Variants in ZC3H7B observed in about 807,000 individuals in gnomAD.
The protein encoded by ZC3H7B is zinc finger CCCH domain-containing protein 7B.
ZC3H7B carries 35 observed loss-of-function variants against 116.0 expected under a neutral mutation model. The ratio of observed to expected loss-of-function variants is 0.30; its 90% CI spans 0.23 to 0.40. The LOEUF is 0.40. ZC3H7B is among the 10% of genes least tolerant of loss of function. ZC3H7B has a pLI of 1.00. For missense variants in ZC3H7B, 1,011 were observed against 1,321.5 expected (o/e 0.77, Z 3.64); for synonymous variants, 502 against 545.6 (o/e 0.92, Z 1.11).
rs550399492 is a variant in ZC3H7B at position 41,330,929 on chromosome 22, C to T, written c.525+826C>T. 1.3e-3 allele frequency among the ~76,000 whole-genome samples: 184 copies of T among 138,006 alleles called. 1 individual carries two copies. The highest frequency in any genetic ancestry group is 4.5e-3 in the African/African-American group (166 of 36,808). 90.5% of individuals were successfully genotyped at this position (138,006 alleles called of 152,430 possible). A position where few individuals can be genotyped will look rare whatever the true frequency, so the allele number is the denominator to read the frequency against. On this transcript the variant is annotated intron_variant, in intron 6 of 22. Coordinates refer to ENST00000352645, the MANE Select transcript of ZC3H7B (RefSeq NM_017590.6). ...AGGCTGTAGTGCTGGAGTGCAGTGG[C>T]GCGATCTCAGCTCACTGCAAGCTCC...
intron 9 of ZC3H7B, 62 bp downstream of exon 9, chr22:41,339,253 C>T (rs2145928377): frequency 5.2e-6 from 8 of 1,527,232 alleles, no homozygotes; most frequent in Non-Finnish European, 7.1e-6. Context: ...TCCCCATTGT[C>T]CCAGGGGTGG....
At chr22:41,347,999 G>T (rs1481277775) in intron 14 of ZC3H7B, 68 bp from the exon 15 acceptor site, 2 of 1,368,514 alleles carry the variant, frequency 1.5e-6, no homozygotes, top group African/African-American at 2.9e-5. Context: ...AGCTAGCTGT[G>T]TGGGGTCCCA....
intron 1 of ZC3H7B, among the ~76,000 whole-genome samples, chr22:41,306,327 C>G (rs1245411152): frequency 6.6e-6 from 1 of 151,448 alleles, no homozygotes; most frequent in African/African-American, 2.4e-5. Context: ...CAGCAATTCT[C>G]TAGGCCCTGT....
rs1242988558 is a variant in ZC3H7B at position 41,346,660 on chromosome 22, AC to A, written c.1665+453del. ...GTGAAACCCTGTCTCTACTAAAAAT[AC>A]AAAAATTAGCTGGGCGTTGTGGTGC... On this transcript the variant is annotated intron_variant, in intron 14 of 22. Transcript: ENST00000352645. This position sits in a 1 kb window ranked among gnomAD's most constrained non-coding sequence, Gnocchi z 5.3. Among the ~76,000 whole-genome samples the A allele has an allele frequency of 1.3e-5, 2 of 152,090 alleles. No individual in the cohort carries two copies. Among genetic ancestry groups the A allele is most frequent in the Middle Eastern group, 3.2e-3 (1 of 316 alleles).
In ZC3H7B at chr22:41,349,354, C is replaced by T. The variant is rs572195359; in HGVS notation, c.1948+53C>T. On this transcript the variant is annotated intron_variant, in intron 16 of 22. Coordinates refer to ENST00000352645, the MANE Select transcript of ZC3H7B (RefSeq NM_017590.6). This position sits in a 1 kb window ranked among gnomAD's most constrained non-coding sequence, Gnocchi z 4.9. ...GCAGGTGACTCAGGTGAGGGGTAGG[C>T]GGCGCAGGTGAAGGGAGCGCAGGAC... The T allele has an allele frequency of 6.6e-5, 106 of 1,596,190 alleles. No homozygotes were observed. The highest frequency in any genetic ancestry group is 3.2e-4 in the Admixed American group (19 of 59,398).
intron 11 of ZC3H7B, among the ~76,000 whole-genome samples, 168 bp from the exon 12 acceptor site, chr22:41,342,361 C>G (rs550659588): frequency 6.6e-6 from 1 of 152,318 alleles, no homozygotes; most frequent in Non-Finnish European, 1.5e-5. Context: ...TTACAAAGAA[C>G]TCCCCTGGCT....
At chr22:41,332,034 C>A in intron 6 of ZC3H7B, 137 bp from the exon 7 acceptor site, 7 of 853,170 alleles carry the variant, frequency 8.2e-6, no homozygotes, top group Non-Finnish European at 1.1e-5. Context: ...TTCCGGCAGG[C>A]CTGGGGACAG....
Position 41,352,795 on chromosome 22 carries a change from A to G in ZC3H7B, c.2034+1149A>G, listed in dbSNP as rs951082680. 5.3e-5 allele frequency among the ~76,000 whole-genome samples: 8 copies of G among 151,868 alleles called. No individual in the cohort carries two copies. In the East Asian group the frequency reaches 1.5e-3, roughly 29 times the overall value. ...AATAAATAAATAAAAAGTCTTCAGG[A>G]GGCCTGGCGTGGTGGCTGACGCCTG... On this transcript the variant is annotated intron_variant, in intron 17 of 22. Transcript: ENST00000352645.
chr22:41,346,292 A>G lies in ZC3H7B; in HGVS notation c.1665+84A>G, dbSNP rs1360168198. ...GCTCCCTGGCACGGACCACCATAGG[A>G]AGTCAGCCCTGGAACCCGTGGGCTG... is the stretch of plus-strand genomic sequence containing the variant. On this transcript the variant is annotated intron_variant, in intron 14 of 22. Coordinates refer to ENST00000352645, the MANE Select transcript of ZC3H7B (RefSeq NM_017590.6). The surrounding 1 kb of genome is among the most constrained non-coding windows in gnomAD (Gnocchi z 5.3). 6.7e-7 allele frequency: 1 copy of G among 1,488,480 alleles called. No homozygotes were observed. The highest frequency in any genetic ancestry group is 9.1e-7 in the Non-Finnish European group (1 of 1,101,180). 92.2% of individuals were successfully genotyped at this position (1,488,480 alleles called of 1,614,324 possible).
At chr22:41,305,335 T>G (rs1469015319) in intron 1 of ZC3H7B, among the ~76,000 whole-genome samples, 1 of 142,790 alleles carries the variant, frequency 7.0e-6, no homozygotes, top group African/African-American at 2.7e-5. Flanking sequence ...AGAGCAAGAC[T>G]CTGTCTCAAA....
intron 1 of ZC3H7B, among the ~76,000 whole-genome samples, chr22:41,314,250 G>A (rs1425902206): frequency 6.6e-6 from 1 of 151,636 alleles, no homozygotes; most frequent in Non-Finnish European, 1.5e-5. Flanking sequence ...TCTGCCTCCC[G>A]GGTTCAAGCA....
chr22:41,325,421 T>G, intron 2 of ZC3H7B, 143 bp from the exon 3 acceptor site: 3 of 1,083,674 alleles, frequency 2.8e-6, no homozygotes, highest in Non-Finnish European at 4.1e-6. Context: ...TGCATGGCAA[T>G]GATTTAGGAG....
intron 17 of ZC3H7B, 45 bp from the exon 18 acceptor site, chr22:41,355,424 C>T (rs767236712): frequency 6.2e-7 from 1 of 1,609,212 alleles, no homozygotes; most frequent in Non-Finnish European, 8.5e-7. Flanking sequence ...GGCCTCAGGC[C>T]TGGTGCCTGC....
Position 41,355,747 on chromosome 22 carries a change from T to C in ZC3H7B, c.2169-10T>C, listed in dbSNP as rs1479239776. On this transcript the variant is annotated splice_polypyrimidine_tract_variant and intron_variant, in intron 18 of 22. Coordinates refer to ENST00000352645, the MANE Select transcript of ZC3H7B (RefSeq NM_017590.6). ...CCCTGACCTCTCCCCAACCCTGCTC[T>C]GTCCTGCAGCTGGACCAAGGAGCGG... 1.4e-5 allele frequency: 23 copies of C among 1,613,846 alleles called. No individual in the cohort carries two copies. The highest frequency in any genetic ancestry group is 2.7e-5 in the African/African-American group (2 of 74,938).
At position 41,357,596 on chromosome 22, in the gene ZC3H7B, TGCGTACCCAG is replaced by T; in HGVS notation, c.*171_*180del. 1.0e-6 allele frequency: 1 copy of T among 1,002,172 alleles called. No homozygotes were observed. The highest frequency in any genetic ancestry group is 1.4e-6 in the Non-Finnish European group (1 of 706,246). The allele number at this position is 1,002,172 out of a possible 1,614,324, so 62.1% of individuals were successfully genotyped here. On this transcript the variant is annotated 3_prime_UTR_variant, in exon 23 of 23. Transcript: ENST00000352645. The surrounding 1 kb of genome is among the most constrained non-coding windows in gnomAD (Gnocchi z 5.4). The stretch of plus-strand genomic sequence containing the variant: ...TCTTCTCCCCACCACCGCCCCGGTG[TGCGTACCCAG>T]GCGCACGTGCTGCAGCCCCCGGAGG...
chr22:41,342,841 A>G (rs918082128), intron 12 of ZC3H7B, among the ~76,000 whole-genome samples: 4 of 152,140 alleles, frequency 2.6e-5, no homozygotes, highest in Admixed American at 2.6e-4. Flanking sequence ...AAACACTAAC[A>G]TGGTCAGACT....
intron 1 of ZC3H7B, among the ~76,000 whole-genome samples, chr22:41,309,172 C>T (rs1167710602): frequency 4.6e-5 from 7 of 151,856 alleles, no homozygotes; most frequent in East Asian, 1.9e-4. Flanking sequence ...CCACCATGCC[C>T]GGCTAATTTT....
At chr22:41,333,672 C>A (rs1050451156) in intron 7 of ZC3H7B, 1 of 152,120 alleles carries the variant, frequency 6.6e-6, no homozygotes, top group African/African-American at 2.4e-5. Flanking sequence ...GGTGCTCCAA[C>A]GAGAAAACAT....
Position 41,325,721 on chromosome 22 carries a change from G to A in ZC3H7B, c.88G>A (p.Ala30Thr). The change falls in exon 4 of 23, where the codon GCC (alanine) becomes ACC (threonine). Residue 30 changes from alanine (A) to threonine (T), a missense_variant and splice_region_variant. Physicochemically the swap from Ala to Thr is moderately conservative, Grantham distance 58. Coordinates refer to ENST00000352645, the MANE Select transcript of ZC3H7B (RefSeq NM_017590.6). ...CCCCTACACACCTTGCCCCCAACAGGCCTTTCTGCTCAAGCTGGTGCAGAA... is the reference window on the plus strand; with the variant it reads ...CCCCTACACACCTTGCCCCCAACAGACCTTTCTGCTCAAGCTGGTGCAGAA... ...TLPLKQEEYE[A>T]FLLKLVQNLF... is the part of the protein sequence containing the mutation. The A allele has an allele frequency of 6.2e-7, 1 of 1,612,924 alleles. No individual in the cohort carries two copies. Among genetic ancestry groups the A allele is most frequent in the Non-Finnish European group, 8.5e-7 (1 of 1,179,590 alleles).
Sources: allele counts gnomAD v4.1 joint callset (sites outside exome capture counted in the v4.1 genomes callset), GRCh38; gene constraint gnomAD v4.1.1; non-coding constraint Gnocchi (gnomAD v3.1); transcripts MANE v1.5; gene names NCBI Gene and HGNC (gene_info 2026-07-23, HGNC 2026-07-21).